Variants in SORCS1 observed in about 807,000 individuals in gnomAD.
SORCS1 encodes the protein VPS10 domain-containing receptor SorCS1.
SORCS1 carries 60 observed loss-of-function variants against 146.1 expected under a neutral mutation model. That is an observed-to-expected ratio of 0.41 (90% CI 0.33 to 0.51). SORCS1 has a LOEUF of 0.51. Ranked by LOEUF, SORCS1 falls within the 20% of genes least tolerant of loss-of-function variation. SORCS1 has a pLI of 0.21. For missense variants in SORCS1, 1,352 were observed against 1,487.6 expected, an observed-to-expected ratio of 0.91 and a Z score of 1.50; for synonymous variants, 637 against 584.0, an observed-to-expected ratio of 1.09 and a Z score of -1.31.
chr10:106,595,276 G>A (rs1414725574), intron 24 of SORCS1, among the ~76,000 whole-genome samples: 1 of 152,148 alleles, frequency 6.6e-6, no homozygotes, highest in African/African-American at 2.4e-5. Context: ...ACATTGCTTG[G>A]CCCAGCGTAG....
intron 2 of SORCS1, among the ~76,000 whole-genome samples, chr10:106,842,471 T>A (rs1421128068): frequency 6.6e-6 from 1 of 152,116 alleles, no homozygotes; most frequent in Non-Finnish European, 1.5e-5. Context: ...TGACCTCAGG[T>A]GATCTGCCCA....
chr10:106,804,347 A>G (rs144811230), intron 3 of SORCS1, among the ~76,000 whole-genome samples: 16,099 of 92,118 alleles, frequency 0.17, 967 homozygotes, highest in South Asian at 0.24. Context: ...AGAAAATAAA[A>G]TAAAATAAAA....
intron 1 of SORCS1, among the ~76,000 whole-genome samples, chr10:107,061,886 T>A (rs1156513146): frequency 1.3e-5 from 2 of 152,208 alleles, no homozygotes; most frequent in African/African-American, 2.4e-5. Context: ...GTTAAGTGAA[T>A]AATATATGTG....
chr10:107,084,138 C>T (rs900316817), intron 1 of SORCS1, among the ~76,000 whole-genome samples: 1 of 147,808 alleles, frequency 6.8e-6, no homozygotes, highest in East Asian at 2.0e-4. Flanking sequence ...CTCTGTTGCC[C>T]AGGCTGGAGT....
chr10:107,036,067 G>C (rs1958893331), intron 1 of SORCS1, among the ~76,000 whole-genome samples: 1 of 151,816 alleles, frequency 6.6e-6, no homozygotes, highest in Admixed American at 6.6e-5. Flanking sequence ...TTTGCTAGGA[G>C]TAGAGAGAAA....
At chr10:106,899,933 T>C (rs1011796723) in intron 2 of SORCS1, among the ~76,000 whole-genome samples, 3 of 151,948 alleles carry the variant, frequency 2.0e-5, no homozygotes, top group African/African-American at 4.8e-5. Flanking sequence ...ATATATTATA[T>C]ACGTATATGT....
At chr10:106,840,990 G>A (rs1949008988) in intron 2 of SORCS1, among the ~76,000 whole-genome samples, 1 of 150,976 alleles carries the variant, frequency 6.6e-6, no homozygotes, top group African/African-American at 2.4e-5. Context: ...CGAGTAGCTG[G>A]GACTACAGGT....
chr10:107,145,004 G>A (rs1181502318), intron 1 of SORCS1, among the ~76,000 whole-genome samples: 1 of 152,216 alleles, frequency 6.6e-6, no homozygotes, highest in Non-Finnish European at 1.5e-5. Flanking sequence ...AGGATGCATG[G>A]TGCTATTTAA....
At chr10:106,607,436 A>C (rs964636557) in intron 22 of SORCS1, 139 bp from the exon 23 acceptor site, 2 of 1,174,698 alleles carry the variant, frequency 1.7e-6, no homozygotes, top group African/African-American at 3.1e-5. Context: ...CATATCAGGC[A>C]GGGAGTATGT....
At chr10:107,065,530 T>TTCTTTCTTTTC (rs1961756814) in intron 1 of SORCS1, among the ~76,000 whole-genome samples, 1 of 142,108 alleles carries the variant, frequency 7.0e-6, no homozygotes, top group African/African-American at 2.7e-5. Flanking sequence ...CTTTCTTTCT[T>TTCTTTCTTTTC]TCTCTTTCTT....
chr10:106,662,109 A>G (rs541805180), intron 17 of SORCS1, among the ~76,000 whole-genome samples: 25 of 152,358 alleles, frequency 1.6e-4, no homozygotes, highest in African/African-American at 5.5e-4. Context: ...CAACTAAAAC[A>G]AAAATTGTGC....
At chr10:107,171,590 C>G in the SORCS1 span, among the ~76,000 whole-genome samples, 1 of 136,264 alleles carries the variant, frequency 7.3e-6, no homozygotes, top group South Asian at 2.4e-4. Flanking sequence ...TATCTTGGCT[C>G]ACTGCAACCT....
At chr10:107,059,232 TCCACAGA>T (rs1960936486) in intron 1 of SORCS1, among the ~76,000 whole-genome samples, 1 of 152,114 alleles carries the variant, frequency 6.6e-6, no homozygotes, top group South Asian at 2.1e-4. Context: ...GGGACTTCAC[TCCACAGA>T]ACTAGAATGA....
At chr10:107,146,768 T>G (rs1297957498) in intron 1 of SORCS1, among the ~76,000 whole-genome samples, 1 of 152,180 alleles carries the variant, frequency 6.6e-6, no homozygotes, top group Non-Finnish European at 1.5e-5. Context: ...TTCTACCATC[T>G]GCTTTCTATG....
At chr10:107,033,382 A>G (rs1958756084) in intron 1 of SORCS1, among the ~76,000 whole-genome samples, 1 of 152,162 alleles carries the variant, frequency 6.6e-6, no homozygotes, top group Non-Finnish European at 1.5e-5. Flanking sequence ...GCATGTTTCT[A>G]AAAACCAGTA....
chr10:107,029,172 A>G (rs1958536475), intron 1 of SORCS1, among the ~76,000 whole-genome samples: 2 of 152,226 alleles, frequency 1.3e-5, no homozygotes, highest in African/African-American at 4.8e-5. Context: ...TTATACTTCC[A>G]TTTAAGCAAA....
At chr10:106,987,617 G>T (rs957548202) in intron 1 of SORCS1, among the ~76,000 whole-genome samples, 1 of 152,114 alleles carries the variant, frequency 6.6e-6, no homozygotes, top group Non-Finnish European at 1.5e-5. Context: ...CATAGTTCCC[G>T]CCTACTGAGG....
At chr10:106,812,922 A>G (rs1266554708) in intron 3 of SORCS1, among the ~76,000 whole-genome samples, 1 of 152,046 alleles carries the variant, frequency 6.6e-6, no homozygotes, top group African/African-American at 2.4e-5. Flanking sequence ...TGTACAAGGG[A>G]AAGAACAAGT....
At chr10:107,051,090 G>T (rs1960063917) in intron 1 of SORCS1, among the ~76,000 whole-genome samples, 1 of 151,760 alleles carries the variant, frequency 6.6e-6, no homozygotes, top group Non-Finnish European at 1.5e-5. Flanking sequence ...ACTCTTTTAA[G>T]TATTAGGCAT....
Sources: gnomAD v4.1 joint callset for allele counts (sites outside exome capture counted in the v4.1 genomes callset) on GRCh38, gnomAD v4.1.1 for gene constraint, MANE v1.5 for transcripts, NCBI Gene and HGNC (gene_info 2026-07-23, HGNC 2026-07-21) for gene names.